SACM1L: variants seen among roughly 807,000 people sequenced by gnomAD.
SACM1L encodes SAC1 like phosphatidylinositide phosphatase, also known as phosphatidylinositol-3-phosphatase SAC1.
SACM1L carries 32 observed loss-of-function variants against 89.5 expected under a neutral mutation model. That is an observed-to-expected ratio of 0.36 (90% CI 0.27 to 0.48). SACM1L has a LOEUF of 0.48. Among genes scored for constraint, SACM1L ranks in the 20% least tolerant of loss-of-function variants. The pLI is 0.99. For missense variants in SACM1L, 543 were observed against 708.5 expected, an observed-to-expected ratio of 0.77 and a Z score of 2.65; for synonymous variants, 213 against 232.8, an observed-to-expected ratio of 0.92 and a Z score of 0.77.
chr3:45,735,595 G>A (rs928308712), intron 14 of SACM1L, among the ~76,000 whole-genome samples: 2 of 152,050 alleles, frequency 1.3e-5, no homozygotes, highest in Non-Finnish European at 2.9e-5. Context: ...TGTAATCACA[G>A]TTTCTGGTGG....
At chr3:45,690,999 G>A (rs1379993089) in intron 1 of SACM1L, among the ~76,000 whole-genome samples, 1 of 152,216 alleles carries the variant, frequency 6.6e-6, no homozygotes, top group Non-Finnish European at 1.5e-5. Context: ...GAGAACTTGA[G>A]AATTATGATG....
At chr3:45,733,478 G>GAC (rs748176403) in intron 13 of SACM1L, among the ~76,000 whole-genome samples, 1 of 152,030 alleles carries the variant, frequency 6.6e-6, no homozygotes, top group African/African-American at 2.4e-5. Context: ...ATGGGGTACG[G>GAC]ACACACACAC....
At chr3:45,713,752 T>C (rs938872145) in intron 6 of SACM1L, 1 of 201,928 alleles carries the variant, frequency 5.0e-6, no homozygotes, top group Non-Finnish European at 9.8e-6. Context: ...ACAATTAGCA[T>C]GGGATATCTT....
chr3:45,731,570 T>G (rs1278838791), intron 12 of SACM1L, among the ~76,000 whole-genome samples, 190 bp downstream of exon 12: 1 of 152,230 alleles, frequency 6.6e-6, no homozygotes, highest in African/African-American at 2.4e-5. Context: ...TTCTTTTCAG[T>G]CAAGTTTTGA....
chr3:45,731,214 C>G, intron 11 of SACM1L, 87 bp from the exon 12 acceptor site: 2 of 790,442 alleles, frequency 2.5e-6, no homozygotes, highest in South Asian at 3.7e-5. Flanking sequence ...ATGATGAGAG[C>G]TTAGAGCTTC....
At chr3:45,711,333 A>G (rs556672239) in intron 5 of SACM1L, among the ~76,000 whole-genome samples, 2 of 152,246 alleles carry the variant, frequency 1.3e-5, no homozygotes, top group East Asian at 1.9e-4. Context: ...TTTGTCAGCT[A>G]AACAGAAAGT....
At position 45,715,425 on chromosome 3, in the gene SACM1L, A is replaced by AT. The variant is rs1698628496; in HGVS notation, c.577+1351dup. ...AAAATTTCATGATAAAAGCTCATTT[A>AT]TTTTTGTTTCCCCACCCCGAGCTTT... On this transcript the variant is annotated intron_variant, in intron 7 of 19. Transcript: ENST00000389061. Among the ~76,000 whole-genome samples the AT allele has an allele frequency of 7.9e-5, 12 of 152,282 alleles. No individual in the cohort carries two copies. The South Asian group carries it at 2.5e-3, about 32-fold the overall frequency.
In SACM1L at chr3:45,709,523, C is replaced by T. The variant is rs769223692; in HGVS notation, c.359C>T (p.Ala120Val). 1.1e-5 allele frequency: 17 copies of T among 1,611,672 alleles called. No homozygotes were observed. The highest frequency in any genetic ancestry group is 1.1e-5 in the Non-Finnish European group (13 of 1,179,006). ...TTACAAGATAATAAAACCTTCCTAG[C>T]GATGCTAAACCATGTCTTGAATGTG... ...IQLQDNKTFL[A>V]MLNHVLNVDG... Residue 120 changes from alanine to valine, a missense_variant, in exon 5 of 20, where the codon GCG becomes GTG. Physicochemically the swap from Ala to Val is moderately conservative, Grantham distance 64. This residue lies in a region of SACM1L where 173 missense variants were observed against 180.9 expected (regional missense o/e 0.96). Transcript: ENST00000389061.
intron 14 of SACM1L, among the ~76,000 whole-genome samples, chr3:45,736,675 A>G (rs1490934903): frequency 6.6e-6 from 1 of 152,244 alleles, no homozygotes; most frequent in Non-Finnish European, 1.5e-5. Context: ...GTTTGGTTCC[A>G]TGGCTGATTA....
Position 45,745,291 on chromosome 3 carries a change from A to T in SACM1L, c.*1622A>T, listed in dbSNP as rs944005744. 6.6e-6 allele frequency: 1 copy of T among 152,642 alleles called. No individual in the cohort carries two copies. Among genetic ancestry groups the T allele is most frequent in the Non-Finnish European group, 1.5e-5 (1 of 68,040 alleles). 9.5% of individuals were successfully genotyped at this position (152,642 alleles called of 1,614,324 possible). On this transcript the variant is annotated 3_prime_UTR_variant, in exon 20 of 20. Transcript: ENST00000389061. ...AATGTGGCTGCTTTGTAGGGAATGGACTAATATCAGTGTGTTAGATCTTAA... is the reference window on the plus strand; with the variant it reads ...AATGTGGCTGCTTTGTAGGGAATGGTCTAATATCAGTGTGTTAGATCTTAA...
intron 5 of SACM1L, 47 bp from the exon 6 acceptor site, chr3:45,713,090 G>T: frequency 6.7e-7 from 1 of 1,486,954 alleles, no homozygotes; most frequent in South Asian, 1.2e-5. Flanking sequence ...TCTGTAGAAA[G>T]TAAGCTTGGC....
Position 45,703,515 on chromosome 3 carries a change from C to A in SACM1L, c.110C>A (p.Ser37Tyr), listed in dbSNP as rs761208104. 4 of 1,611,666 alleles carry A rather than the reference C, an allele frequency of 2.5e-6. No individual in the cohort carries two copies. The South Asian group carries it at 3.3e-5, about 13-fold the overall frequency. Residue 37 changes from serine to tyrosine, a missense_variant, in exon 2 of 20, where the codon TCC becomes TAC. Coordinates refer to ENST00000389061, the MANE Select transcript of SACM1L (RefSeq NM_014016.5). ...ADDVLTIDRV[S>Y]TEVTLAVKKD... is the part of the protein sequence containing the mutation. ...GACGTACTTACCATTGACCGTGTGT[C>A]CACAGAGGTTACCCTTGCAGGTATT...
At chr3:45,723,072 ATTC>A in intron 10 of SACM1L, 117 bp downstream of exon 10, 1 of 866,090 alleles carries the variant, frequency 1.2e-6, no homozygotes, top group Non-Finnish European at 1.8e-6. Context: ...CTTTGAGGCT[ATTC>A]TTCTTGGTTC....
chr3:45,704,629 T>C (rs1453274446), intron 2 of SACM1L, among the ~76,000 whole-genome samples: 1 of 152,188 alleles, frequency 6.6e-6, no homozygotes, highest in African/African-American at 2.4e-5. Flanking sequence ...TTAATGTGGG[T>C]GTATTTTCAG....
intron 14 of SACM1L, chr3:45,737,319 C>A (rs1699223779): frequency 1.3e-5 from 6 of 452,362 alleles, no homozygotes; most frequent in Non-Finnish European, 2.3e-5. Flanking sequence ...CTCTTCTGAC[C>A]CTCTCCCTGA....
Position 45,709,577 on chromosome 3 carries a change from A to C in SACM1L, c.413A>C (p.Asp138Ala), listed in dbSNP as rs778922799. ...GGATTTTACTTTTCAACAACATATG[A>C]TTTGACCCATACTTTGCAGCGGCTA... ...VDGFYFSTTY[D>A]LTHTLQRLSN... The change falls in exon 5 of 20, where the codon GAT (aspartate) becomes GCT (alanine). Residue 138 changes from aspartate to alanine, a missense_variant. By Grantham distance (126) the Asp-to-Ala change is moderately radical. Coordinates refer to ENST00000389061, the MANE Select transcript of SACM1L (RefSeq NM_014016.5). 1.9e-6 allele frequency: 3 copies of C among 1,613,814 alleles called. No homozygotes were observed. In the South Asian group the frequency reaches 3.3e-5, roughly 18 times the overall value.
intron 1 of SACM1L, among the ~76,000 whole-genome samples, chr3:45,692,070 G>A (rs1698006554): frequency 6.6e-6 from 1 of 152,040 alleles, no homozygotes; most frequent in Non-Finnish European, 1.5e-5. Context: ...TTCAAACTTG[G>A]GTGTTATTTT....
intron 1 of SACM1L, among the ~76,000 whole-genome samples, chr3:45,694,575 GC>G (rs766561671): frequency 1.4e-4 from 21 of 152,138 alleles, no homozygotes; most frequent in Non-Finnish European, 2.4e-4. Flanking sequence ...GGCTCACGTG[GC>G]TAGCCTAGGT....
intron 4 of SACM1L, among the ~76,000 whole-genome samples, chr3:45,708,540 A>T (rs1172307793): frequency 6.6e-6 from 1 of 152,056 alleles, no homozygotes; most frequent in Admixed American, 6.5e-5. Context: ...GAGTAAAACT[A>T]CAGGATATGC....
Sources: gnomAD v4.1 joint callset for allele counts (sites outside exome capture counted in the v4.1 genomes callset) on GRCh38, gnomAD v4.1.1 for gene constraint, gnomAD v4.1.1 regional missense constraint, MANE v1.5 for transcripts, NCBI Gene and HGNC (gene_info 2026-07-23, HGNC 2026-07-21) for gene names.